Variants in SPEF2 observed in about 807,000 individuals in gnomAD.
SPEF2 encodes the protein sperm flagella and cilia-associated protein 2.
In SPEF2, 187 loss-of-function variants were observed where a neutral mutation model predicts 224.6. That is an observed-to-expected ratio of 0.83 (90% CI 0.74 to 0.94). The LOEUF is 0.94. Among genes scored for constraint, SPEF2 ranks in the 40% least tolerant of loss-of-function variants. The pLI, the probability that SPEF2 is intolerant of heterozygous loss-of-function variation, is 0.00. For missense variants in SPEF2, 2,170 were observed against 2,135.6 expected (o/e 1.02, Z -0.32); for synonymous variants, 715 against 707.3 (o/e 1.01, Z -0.17).
Position 35,779,237 on chromosome 5 carries a change from T to C in SPEF2, c.4338T>C (p.Asp1446=), listed in dbSNP as rs1353457071. ...FINGNIKVFP[D]PPPSIRPPPV... Reference sequence around the variant, plus strand: ...ATGGCAATATAAAAGTCTTCCCAGATCCTCCCCCATCAATACGTCCTCCAC... The same window carrying C: ...ATGGCAATATAAAAGTCTTCCCAGACCCTCCCCCATCAATACGTCCTCCAC... Residue 1446 remains aspartate, a synonymous_variant, in exon 30 of 37, where the codon GAT becomes GAC. Coordinates refer to ENST00000356031, the MANE Select transcript of SPEF2 (RefSeq NM_024867.4). 6.2e-7 allele frequency: 1 copy of C among 1,613,728 alleles called. No individual in the cohort carries two copies. Among genetic ancestry groups the C allele is most frequent in the East Asian group, 2.2e-5 (1 of 44,852 alleles).
At chr5:35,690,529 G>T (rs1393148239) in intron 10 of SPEF2, among the ~76,000 whole-genome samples, 3 of 152,044 alleles carry the variant, frequency 2.0e-5, no homozygotes, top group African/African-American at 7.2e-5. Flanking sequence ...ATGGAAGTCA[G>T]AGAATGTGAT....
At position 35,705,753 on chromosome 5, in the gene SPEF2, A is replaced by C; in HGVS notation, c.2610A>C (p.Leu870Phe). The C allele has an allele frequency of 6.4e-7, 1 of 1,555,950 alleles. No homozygotes were observed. Among genetic ancestry groups the C allele is most frequent in the African/African-American group, 1.4e-5 (1 of 72,220 alleles). ...ATGCTGAAATAGATAAGGAATCTTT[A>C]TGTGAAAAAGTAAAAGAAATTCTTA... ...KINAEIDKES[L>F]CEKVKEILTT... The change falls in exon 18 of 37, where the codon TTA becomes TTC. Residue 870 changes from leucine to phenylalanine, a missense_variant. Coordinates refer to ENST00000356031, the MANE Select transcript of SPEF2 (RefSeq NM_024867.4).
At chr5:35,690,874 T>C (rs1201921021) in intron 10 of SPEF2, among the ~76,000 whole-genome samples, 163 bp from the exon 11 acceptor site, 2 of 152,184 alleles carry the variant, frequency 1.3e-5, no homozygotes, top group African/African-American at 2.4e-5. Flanking sequence ...TGCCCTGTAA[T>C]ATGAAACTAT....
chr5:35,749,823 C>T (rs1749124766), intron 23 of SPEF2, among the ~76,000 whole-genome samples: 1 of 151,944 alleles, frequency 6.6e-6, no homozygotes, highest in African/African-American at 2.4e-5. Flanking sequence ...AAAATACCAC[C>T]AACAGTCTTC....
rs576718863 is a variant in SPEF2 at position 35,692,104 on chromosome 5, C to G, written c.1745-466C>G. The stretch of plus-strand genomic sequence containing the variant: ...TGAGCCACCGTGCCCAGCCTTATCA[C>G]GTTTTTTAAAAAGAAGCTTGATCCG... On this transcript the variant is annotated intron_variant, in intron 11 of 36. Coordinates refer to ENST00000356031, the MANE Select transcript of SPEF2 (RefSeq NM_024867.4). Among the ~76,000 whole-genome samples the G allele has an allele frequency of 4.6e-5, 7 of 152,154 alleles. No homozygotes were observed. The East Asian group carries it at 1.4e-3, about 30-fold the overall frequency.
Position 35,773,997 on chromosome 5 carries a change from C to G in SPEF2, c.4054C>G (p.His1352Asp). 6.2e-7 allele frequency: 1 copy of G among 1,612,738 alleles called. No homozygotes were observed. The highest frequency in any genetic ancestry group is 8.5e-7 in the Non-Finnish European group (1 of 1,179,358). Reference sequence around the variant, plus strand: ...ACTGAGGGTCAAAATAAAAGAAGAACACCTTGCTGCCTTGCAATTTGAAGG... The same window carrying G: ...ACTGAGGGTCAAAATAAAAGAAGAAGACCTTGCTGCCTTGCAATTTGAAGG... ...NELRVKIKEEHLAALQFEEIA... is the reference protein window; with the variant it reads ...NELRVKIKEEDLAALQFEEIA... The change falls in exon 28 of 37, where the codon CAC becomes GAC. Residue 1352 changes from histidine to aspartate, a missense_variant. His to Asp is a moderately conservative substitution (Grantham distance 81). Coordinates refer to ENST00000356031, the MANE Select transcript of SPEF2 (RefSeq NM_024867.4).
At chr5:35,665,276 C>G (rs977938975) in intron 8 of SPEF2, among the ~76,000 whole-genome samples, 1 of 152,130 alleles carries the variant, frequency 6.6e-6, no homozygotes, top group African/African-American at 2.4e-5. Flanking sequence ...TTTACTACCT[C>G]CCACAGACTT....
chr5:35,693,357 A>G (rs1254068834), intron 12 of SPEF2, among the ~76,000 whole-genome samples: 4 of 152,170 alleles, frequency 2.6e-5, no homozygotes, highest in Non-Finnish European at 5.9e-5. Flanking sequence ...CAGAAACTGT[A>G]TGAAAACTGT....
At chr5:35,690,452 A>C (rs1022659033) in intron 10 of SPEF2, among the ~76,000 whole-genome samples, 44 of 152,288 alleles carry the variant, frequency 2.9e-4, no homozygotes, top group African/African-American at 1.1e-3. Context: ...TTATTTTTAA[A>C]GAATGCTTTT....
chr5:35,712,676 A>C, intron 19 of SPEF2, 136 bp from the exon 20 acceptor site: 1 of 759,192 alleles, frequency 1.3e-6, no homozygotes, highest in Non-Finnish European at 2.1e-6. Context: ...ACTCAAAGTA[A>C]AAACCTGAGC....
chr5:35,797,864 C>G (rs1428683878), intron 33 of SPEF2, among the ~76,000 whole-genome samples: 1 of 152,106 alleles, frequency 6.6e-6, no homozygotes. Flanking sequence ...CCAGGACTTG[C>G]TGTGGAAACT....
chr5:35,706,454 T>A (rs559846217), intron 18 of SPEF2, among the ~76,000 whole-genome samples: 61 of 152,220 alleles, frequency 4.0e-4, no homozygotes, highest in African/African-American at 1.4e-3. Flanking sequence ...AAGCTTTTTA[T>A]TGAAAGAGAT....
At chr5:35,640,484 T>G (rs994756545) in intron 2 of SPEF2, among the ~76,000 whole-genome samples, 13 of 152,202 alleles carry the variant, frequency 8.5e-5, no homozygotes, top group Non-Finnish European at 1.9e-4. Flanking sequence ...AAACATGGTC[T>G]GCTTTACCTG....
chr5:35,807,291 T>C (rs1266827981), intron 36 of SPEF2, 38 bp downstream of exon 36: 1 of 1,596,044 alleles, frequency 6.3e-7, no homozygotes, highest in East Asian at 2.2e-5. Flanking sequence ...TTGGTTGGGC[T>C]CCAGTTCAGG....
At position 35,806,722 on chromosome 5, in the gene SPEF2, G is replaced by A. The variant is rs1416791665; in HGVS notation, c.5026G>A (p.Ala1676Thr). 8 of 1,613,072 alleles carry A rather than the reference G, an allele frequency of 5.0e-6. No individual in the cohort carries two copies. Among genetic ancestry groups the A allele is most frequent in the Non-Finnish European group, 6.8e-6 (8 of 1,179,746 alleles). Residue 1676 changes from alanine (A) to threonine (T), a missense_variant, in exon 35 of 37, where the codon GCA (alanine) becomes ACA (threonine). Transcript: ENST00000356031. ...AACTTTGCAGACCTCCTCAACTGAT[G>A]CAGGTCCAGCTGAGGAATTTCCTGA... The part of the protein sequence containing the change: ...PSAEKTSSTD[A>T]GPAEEFPEPE...
In SPEF2 at chr5:35,709,124, G is replaced by T. The variant is rs932141723; in HGVS notation, c.2839+3G>T. 4.4e-6 allele frequency: 7 copies of T among 1,608,270 alleles called. No individual in the cohort carries two copies. Among genetic ancestry groups the T allele is most frequent in the Middle Eastern group, 1.6e-4 (1 of 6,062 alleles). On this transcript the variant is annotated splice_donor_region_variant and intron_variant, in intron 19 of 36. Transcript: ENST00000356031. ...TGCAAAAGGAAAACCTCAATCAGGT[G>T]ATTGACAGAATGATTTATAATCCTG...
At chr5:35,669,260 T>C (rs1416909741) in intron 9 of SPEF2, among the ~76,000 whole-genome samples, 1 of 152,122 alleles carries the variant, frequency 6.6e-6, no homozygotes, top group Non-Finnish European at 1.5e-5. Context: ...TACTACTTTT[T>C]AAGTTGTAAT....
At chr5:35,807,663 A>C in intron 36 of SPEF2, 1 of 1,536,074 alleles carries the variant, frequency 6.5e-7, no homozygotes, top group Non-Finnish European at 8.7e-7. Flanking sequence ...TGTAGTGGAA[A>C]TGATAGTGTG....
intron 5 of SPEF2, among the ~76,000 whole-genome samples, chr5:35,648,737 C>T (rs1401034342): frequency 6.6e-6 from 1 of 152,012 alleles, no homozygotes; most frequent in African/African-American, 2.4e-5. Context: ...TTTAAAACAC[C>T]CAGGACAACC....
Sources: gnomAD v4.1 joint callset for allele counts (sites outside exome capture counted in the v4.1 genomes callset) on GRCh38, gnomAD v4.1.1 for gene constraint, MANE v1.5 for transcripts, NCBI Gene and HGNC (gene_info 2026-07-23, HGNC 2026-07-21) for gene names.